PDE4D: variants seen among roughly 807,000 people sequenced by gnomAD.
PDE4D encodes phosphodiesterase 4D, also known as 3',5'-cyclic-AMP phosphodiesterase 4D.
In PDE4D, 24 loss-of-function variants were observed where a neutral mutation model predicts 87.4. The ratio of observed to expected loss-of-function variants is 0.27; its 90% CI spans 0.20 to 0.39. The LOEUF (loss-of-function observed/expected upper bound fraction) is 0.39. Ranked by LOEUF, PDE4D falls within the 10% of genes least tolerant of loss-of-function variation. PDE4D has a pLI of 1.00. For synonymous variants in PDE4D, 384 were observed against 383.2 expected (o/e 1.00, Z -0.02); for missense variants, 714 against 1,041.0 (o/e 0.69, Z 4.32).
At chr5:59,273,821 A>G (rs962959962) in intron 1 of PDE4D, among the ~76,000 whole-genome samples, 2 of 152,188 alleles carry the variant, frequency 1.3e-5, no homozygotes, top group African/African-American at 2.4e-5. Context: ...ATAATTGTGG[A>G]TAAAAATAGA....
intron 5 of PDE4D, among the ~76,000 whole-genome samples, chr5:59,071,657 A>T (rs1455721322): frequency 6.8e-6 from 1 of 147,990 alleles, no homozygotes; most frequent in African/African-American, 2.5e-5. Flanking sequence ...TTCTTCCTGC[A>T]ACATCTGTAC....
intron 2 of PDE4D, among the ~76,000 whole-genome samples, chr5:60,022,969 C>T (rs901101708): frequency 6.6e-6 from 1 of 152,140 alleles, no homozygotes; most frequent in African/African-American, 2.4e-5. Context: ...CATCTATAGC[C>T]TCAGCTCGAC....
rs141274694 is a variant in PDE4D, at chr5:59,194,488, G to A, written c.648-952C>T. Among the ~76,000 whole-genome samples the A allele has an allele frequency of 2.7e-3, 404 of 152,186 alleles. 2 individuals are homozygous for A. Among genetic ancestry groups the A allele is most frequent in the African/African-American group, 9.1e-3 (376 of 41,500 alleles). On this transcript the variant is annotated intron_variant, in intron 2 of 14. Coordinates refer to ENST00000340635, the MANE Select transcript of PDE4D (RefSeq NM_001104631.2). Reference sequence around the variant, plus strand: ...AAAACAACACCCATGAAACATGCTGGGGCACAGGGAGCATATGGATGATGT... The same window carrying A: ...AAAACAACACCCATGAAACATGCTGAGGCACAGGGAGCATATGGATGATGT...
rs187947388 is a variant in PDE4D at position 59,610,753 on chromosome 5, G to A, written c.455+282415C>T. On this transcript the variant is annotated intron_variant, in intron 1 of 14. Transcript: ENST00000340635. Reference sequence around the variant, plus strand: ...TCAATGAAACAATAAGTAAACGAGGGGGAAAAGGAGACTACATGAGGTTTT... The same window carrying A: ...TCAATGAAACAATAAGTAAACGAGGAGGAAAAGGAGACTACATGAGGTTTT... 6.6e-4 allele frequency among the ~76,000 whole-genome samples: 100 copies of A among 152,216 alleles called. 1 individual carries two copies. Among genetic ancestry groups the A allele is most frequent in the Admixed American group, 3.1e-3 (47 of 15,286 alleles).
At chr5:60,189,135 A>G (rs942099078) in intron 1 of PDE4D, among the ~76,000 whole-genome samples, 1 of 152,242 alleles carries the variant, frequency 6.6e-6, no homozygotes, top group Non-Finnish European at 1.5e-5. Context: ...AGGAGTTTCC[A>G]CATAAAGTTA....
intron 2 of PDE4D, among the ~76,000 whole-genome samples, chr5:60,097,653 C>T (rs1408772902): frequency 6.6e-6 from 1 of 151,852 alleles, no homozygotes; most frequent in Non-Finnish European, 1.5e-5. Context: ...ATCAAATCCA[C>T]AGTTATTAGA....
intron 5 of PDE4D, among the ~76,000 whole-genome samples, chr5:59,071,878 G>A (rs564428537): frequency 1.1e-3 from 174 of 151,536 alleles, no homozygotes; most frequent in Non-Finnish European, 6.2e-4. Flanking sequence ...TAGTAGAGAC[G>A]GGGTTTCACC....
At chr5:59,587,625 T>C in intron 1 of PDE4D, 1 of 985,366 alleles carries the variant, frequency 1.0e-6, no homozygotes, top group Non-Finnish European at 1.2e-6. Flanking sequence ...ACATTAACTC[T>C]GCAGCAGCCT....
At position 59,172,055 on chromosome 5, in the gene PDE4D, A is replaced by T. The variant is rs1279368944; in HGVS notation, c.808+8540T>A. Among the ~76,000 whole-genome samples, 9 of 5,198 alleles carry T rather than the reference A, an allele frequency of 1.7e-3. 1 individual carries two copies. Among genetic ancestry groups the T allele is most frequent in the South Asian group, 2.9e-3 (1 of 350 alleles). The allele number at this position is 5,198 out of a possible 152,430, so 3.4% of individuals were successfully genotyped here. A position where few individuals can be genotyped will look rare whatever the true frequency, so the allele number is the denominator to read the frequency against. On this transcript the variant is annotated intron_variant, in intron 5 of 14. Coordinates refer to ENST00000340635, the MANE Select transcript of PDE4D (RefSeq NM_001104631.2). ...TATATATTATATATATAATATATAT[A>T]TATTATATATATAATAAATATATAT...
chr5:60,147,406 G>A (rs1396740919), intron 2 of PDE4D, among the ~76,000 whole-genome samples: 1 of 152,130 alleles, frequency 6.6e-6, no homozygotes, highest in Non-Finnish European at 1.5e-5. Flanking sequence ...TTACCAACAA[G>A]ATTAAAGGAA....
chr5:59,869,952 C>T (rs549789564), intron 1 of PDE4D, among the ~76,000 whole-genome samples: 1 of 152,254 alleles, frequency 6.6e-6, no homozygotes, highest in South Asian at 2.1e-4. Flanking sequence ...GAATCACCTG[C>T]CCGGAGTCCA....
chr5:59,976,677 T>C (rs1404764674), intron 3 of PDE4D, among the ~76,000 whole-genome samples: 1 of 152,188 alleles, frequency 6.6e-6, no homozygotes, highest in Non-Finnish European at 1.5e-5. Flanking sequence ...AACACATTGC[T>C]TTATCACACT....
intron 1 of PDE4D, among the ~76,000 whole-genome samples, chr5:59,729,762 G>A (rs192026643): frequency 6.6e-5 from 10 of 151,934 alleles, no homozygotes; most frequent in Admixed American, 2.6e-4. Flanking sequence ...ATCTTTTGTT[G>A]TATTCCTATA....
intron 1 of PDE4D, among the ~76,000 whole-genome samples, chr5:59,332,371 G>A (rs1776887756): frequency 6.6e-6 from 1 of 152,050 alleles, no homozygotes; most frequent in South Asian, 2.1e-4. Flanking sequence ...TCCACATTAT[G>A]AGATGGAAAG....
At chr5:60,361,158 A>G (rs1760025293) in intron 1 of PDE4D, among the ~76,000 whole-genome samples, 1 of 152,234 alleles carries the variant, frequency 6.6e-6, no homozygotes, top group Non-Finnish European at 1.5e-5. Flanking sequence ...CATACAATGT[A>G]GTATCTAGCA....
intron 1 of PDE4D, among the ~76,000 whole-genome samples, chr5:60,483,401 T>A (rs1748884372): frequency 1.3e-5 from 2 of 152,200 alleles, no homozygotes; most frequent in Non-Finnish European, 2.9e-5. Context: ...ATTATTAACA[T>A]AGAAAATATT....
chr5:59,147,933 C>T (rs74673234), intron 5 of PDE4D, among the ~76,000 whole-genome samples: 3,649 of 152,230 alleles, frequency 0.024, 147 homozygotes, highest in African/African-American at 0.083. Flanking sequence ...TAACCAGTTA[C>T]GAATATCTCC....
chr5:59,183,795 A>C (rs1742254549), intron 4 of PDE4D, among the ~76,000 whole-genome samples: 1 of 152,216 alleles, frequency 6.6e-6, no homozygotes, highest in African/African-American at 2.4e-5. Flanking sequence ...ATGCTGAGTT[A>C]CTACTTTGCC....
chr5:60,485,156 GA>G (rs1233542527), intron 1 of PDE4D, among the ~76,000 whole-genome samples: 3 of 152,188 alleles, frequency 2.0e-5, no homozygotes, highest in Admixed American at 6.5e-5. Flanking sequence ...GGGACTTAAA[GA>G]AATGTAGGGC....
Sources: gnomAD v4.1 joint callset for allele counts (sites outside exome capture counted in the v4.1 genomes callset) on GRCh38, gnomAD v4.1.1 for gene constraint, MANE v1.5 for transcripts, NCBI Gene and HGNC (gene_info 2026-07-23, HGNC 2026-07-21) for gene names.